Variants in CNTN5 observed in about 807,000 individuals in gnomAD.
CNTN5 encodes the protein contactin 5.
Under a neutral mutation model 129.1 loss-of-function variants are expected in CNTN5, and 77 were observed. That is an observed-to-expected ratio of 0.60 (90% confidence interval 0.50 to 0.72). The LOEUF (loss-of-function observed/expected upper bound fraction) is 0.72, where lower values mean the gene tolerates loss of function less well. CNTN5 is among the 30% of genes least tolerant of loss of function. The pLI, the probability that CNTN5 is intolerant of heterozygous loss-of-function variation, is 0.00. For missense variants in CNTN5, 1,478 were observed against 1,328.8 expected, an observed-to-expected ratio of 1.11 and a Z score of -1.75; for synonymous variants, 509 against 465.6, an observed-to-expected ratio of 1.09 and a Z score of -1.20.
At chr11:99,575,400 C>A (rs1565310547) in intron 3 of CNTN5, among the ~76,000 whole-genome samples, 1 of 152,094 alleles carries the variant, frequency 6.6e-6, no homozygotes, top group Non-Finnish European at 1.5e-5. Context: ...ACCAGAGGAA[C>A]TGCTTGTGGT....
chr11:100,094,841 C>T (rs1259582017), intron 13 of CNTN5, among the ~76,000 whole-genome samples: 2 of 149,298 alleles, frequency 1.3e-5, no homozygotes, highest in African/African-American at 4.9e-5. Flanking sequence ...AAAAAATCAT[C>T]ATTATTCCAT....
chr11:99,550,170 C>T (rs1374387519), intron 2 of CNTN5, among the ~76,000 whole-genome samples: 1 of 152,184 alleles, frequency 6.6e-6, no homozygotes, highest in Non-Finnish European at 1.5e-5. Flanking sequence ...CTGCTCACTA[C>T]ATCTCTTAGC....
chr11:99,983,445 T>C (rs142466988), intron 8 of CNTN5, among the ~76,000 whole-genome samples: 160 of 152,344 alleles, frequency 1.1e-3, no homozygotes, highest in African/African-American at 3.7e-3. Flanking sequence ...AATGCAATAC[T>C]AGGGGATTCA....
At chr11:100,294,210 T>G (rs1169257585) in intron 18 of CNTN5, among the ~76,000 whole-genome samples, 1 of 151,752 alleles carries the variant, frequency 6.6e-6, no homozygotes, top group Non-Finnish European at 1.5e-5. Context: ...GGTAAATGAT[T>G]TCATTACATT....
chr11:100,025,417 A>T (rs2137584228), intron 9 of CNTN5, among the ~76,000 whole-genome samples: 1 of 152,362 alleles, frequency 6.6e-6, no homozygotes, highest in Non-Finnish European at 1.5e-5. Flanking sequence ...GGTGCAGTGC[A>T]GAAGGGAACT....
At chr11:100,218,308 G>C (rs1162046165) in intron 15 of CNTN5, among the ~76,000 whole-genome samples, 1 of 152,112 alleles carries the variant, frequency 6.6e-6, no homozygotes, top group Non-Finnish European at 1.5e-5. Context: ...GCTAAAAAAA[G>C]ACTTCAAGTC....
intron 3 of CNTN5, among the ~76,000 whole-genome samples, chr11:99,770,810 A>C (rs564213287): frequency 6.6e-6 from 1 of 152,190 alleles, no homozygotes; most frequent in Non-Finnish European, 1.5e-5. Flanking sequence ...AAAAAATCAT[A>C]AAATTTGTAT....
chr11:99,954,998 C>T (rs982483839), intron 7 of CNTN5, among the ~76,000 whole-genome samples: 2 of 152,092 alleles, frequency 1.3e-5, no homozygotes, highest in Non-Finnish European at 2.9e-5. Context: ...CAAATATCAT[C>T]TGTGTAACAG....
At chr11:99,223,278 T>G (rs1334131215) in intron 1 of CNTN5, among the ~76,000 whole-genome samples, 2 of 152,190 alleles carry the variant, frequency 1.3e-5, no homozygotes, top group Non-Finnish European at 2.9e-5. Flanking sequence ...GGATAATGGG[T>G]CTAAATAATC....
At chr11:100,085,312 G>C (rs1390445090) in intron 13 of CNTN5, among the ~76,000 whole-genome samples, 4 of 152,040 alleles carry the variant, frequency 2.6e-5, no homozygotes, top group Non-Finnish European at 5.9e-5. Flanking sequence ...GCCTGCTGCT[G>C]CTGGTCCCCA....
intron 20 of CNTN5, among the ~76,000 whole-genome samples, chr11:100,305,195 G>A (rs771198695): frequency 1.1e-4 from 16 of 151,560 alleles, no homozygotes; most frequent in Non-Finnish European, 2.1e-4. Context: ...TGAAAGTAGA[G>A]TCTGGATAAA....
chr11:99,381,347 C>T (rs138451100), intron 2 of CNTN5, among the ~76,000 whole-genome samples: 2 of 152,108 alleles, frequency 1.3e-5, no homozygotes, highest in Admixed American at 6.5e-5. Flanking sequence ...TGGTGAAAGT[C>T]AATGGAGATG....
chr11:99,618,318 C>T (rs896071077), intron 3 of CNTN5, among the ~76,000 whole-genome samples: 8 of 152,062 alleles, frequency 5.3e-5, no homozygotes, highest in South Asian at 2.1e-4. Flanking sequence ...ATAAACTAAC[C>T]GAAGGCAGGA....
chr11:99,892,854 A>G (rs909061656), intron 6 of CNTN5, among the ~76,000 whole-genome samples: 9 of 152,150 alleles, frequency 5.9e-5, no homozygotes, highest in Non-Finnish European at 1.2e-4. Context: ...GTTTTTTCTA[A>G]TTCTGTGAAG....
chr11:100,158,048 CAA>C (rs1036001743), intron 13 of CNTN5, among the ~76,000 whole-genome samples: 4 of 151,492 alleles, frequency 2.6e-5, no homozygotes, highest in African/African-American at 9.7e-5. Context: ...AGGAAAAAAA[CAA>C]AAGTGGCAAC....
intron 2 of CNTN5, among the ~76,000 whole-genome samples, chr11:99,516,404 T>C (rs936342565): frequency 3.3e-5 from 5 of 152,170 alleles, no homozygotes; most frequent in Admixed American, 2.6e-4. Flanking sequence ...GAACTCCATA[T>C]AGACTAGAAT....
intron 3 of CNTN5, among the ~76,000 whole-genome samples, chr11:99,584,229 C>T (rs1004678292): frequency 1.3e-5 from 2 of 152,114 alleles, no homozygotes; most frequent in African/African-American, 4.8e-5. Context: ...TAGTACATTA[C>T]CGGGACATAA....
rs529416476 is a variant in CNTN5, at chr11:99,306,836, A to C, written c.-209-18510A>C. Among the ~76,000 whole-genome samples the C allele has an allele frequency of 9.2e-5, 14 of 151,656 alleles. No individual in the cohort carries two copies. In the South Asian group the frequency reaches 2.9e-3, roughly 32 times the overall value. The stretch of plus-strand genomic sequence containing the variant: ...AAAATTAACCATGTTAATCATTTTT[A>C]AGTATTCTGTTCAATAGTGCTAAGT... On this transcript the variant is annotated intron_variant, in intron 1 of 24. Coordinates refer to ENST00000524871, the MANE Select transcript of CNTN5 (RefSeq NM_014361.4).
chr11:99,412,204 G>T (rs1942428053), intron 2 of CNTN5, among the ~76,000 whole-genome samples: 1 of 152,076 alleles, frequency 6.6e-6, no homozygotes, highest in African/African-American at 2.4e-5. Flanking sequence ...AGAGTTTATA[G>T]AATATTGTAG....
Sources: allele counts gnomAD v4.1 joint callset (sites outside exome capture counted in the v4.1 genomes callset), GRCh38; gene constraint gnomAD v4.1.1; transcripts MANE v1.5; gene names NCBI Gene and HGNC (gene_info 2026-07-23, HGNC 2026-07-21).